The following DFFB variants were observed in gnomAD, a reference collection of about 807,000 sequenced individuals.
The protein encoded by DFFB is DNA fragmentation factor 40 kDa subunit.
In DFFB, 29 loss-of-function variants were observed where a neutral mutation model predicts 32.7. That is an observed-to-expected ratio of 0.89 (90% CI 0.66 to 1.21). The LOEUF (loss-of-function observed/expected upper bound fraction) is 1.21. Ranked by LOEUF, DFFB falls within the 50% of genes most tolerant of loss-of-function variation. The pLI is 0.00. For synonymous variants in DFFB, 170 were observed against 177.1 expected (o/e 0.96, Z 0.32); for missense variants, 398 against 440.6 (o/e 0.90, Z 0.87).
intron 6 of DFFB, among the ~76,000 whole-genome samples, chr1:3,876,197 C>T (rs1645218420): frequency 6.6e-6 from 1 of 152,228 alleles, no homozygotes; most frequent in Non-Finnish European, 1.5e-5. Flanking sequence ...TTGCTGGACC[C>T]CTTGCCACAT....
chr1:3,872,507 C>T lies in DFFB; in HGVS notation c.717C>T (p.His239=), dbSNP rs1645139223. 1 of 1,614,068 alleles carries T rather than the reference C, an allele frequency of 6.2e-7. No individual in the cohort carries two copies. Residue 239 remains histidine, a synonymous_variant, in exon 6 of 7, where the codon CAC becomes CAT. Transcript: ENST00000378209. ...ACATGGACAGCTGCTTATCAAGACA[C>T]TCCATCAACCCCTACAGTAACAGGG... ...PFDMDSCLSR[H]SINPYSNRES... is the part of the protein sequence containing the mutation.
At chr1:3,868,268 C>T (rs1485032974) in intron 4 of DFFB, among the ~76,000 whole-genome samples, 1 of 152,134 alleles carries the variant, frequency 6.6e-6, no homozygotes, top group Non-Finnish European at 1.5e-5. Flanking sequence ...TTTTCAGCTG[C>T]ACTTGAGGTC....
At chr1:3,860,573 A>C in intron 2 of DFFB, 1 of 314,644 alleles carries the variant, frequency 3.2e-6, no homozygotes, top group Middle Eastern at 4.0e-4. Context: ...AGGAAGTTGC[A>C]CAGATAGGAA....
At chr1:3,862,789 T>G (rs1644902735) in intron 2 of DFFB, among the ~76,000 whole-genome samples, 1 of 152,170 alleles carries the variant, frequency 6.6e-6, no homozygotes, top group African/African-American at 2.4e-5. Context: ...TGGCAAAAGA[T>G]TCTTAGATTT....
intron 6 of DFFB, among the ~76,000 whole-genome samples, chr1:3,881,668 G>T (rs1199708474): frequency 6.6e-6 from 1 of 150,704 alleles, no homozygotes; most frequent in Non-Finnish European, 1.5e-5. Context: ...AGGCCAGCCT[G>T]GCCAACACGG....
chr1:3,867,877 T>G, intron 3 of DFFB, 97 bp from the exon 4 acceptor site: 1 of 1,033,096 alleles, frequency 9.7e-7, no homozygotes, highest in African/African-American at 1.6e-5. Context: ...ATGACCCTCA[T>G]ATTCTGCCCT....
At chr1:3,860,292 A>T (rs1644855408) in intron 2 of DFFB, 1 of 215,488 alleles carries the variant, frequency 4.6e-6, no homozygotes, top group African/African-American at 2.3e-5. Flanking sequence ...AGTGGCACAA[A>T]CCTTGCTCAC....
chr1:3,868,511 A>C, intron 4 of DFFB, among the ~76,000 whole-genome samples: 1 of 150,268 alleles, frequency 6.7e-6, no homozygotes, highest in Non-Finnish European at 1.5e-5. Flanking sequence ...TCCCTCCCAA[A>C]GGTGGAGTCA....
Position 3,883,743 on chromosome 1 carries a change from A to T in DFFB, c.*2A>T. On this transcript the variant is annotated 3_prime_UTR_variant, in exon 7 of 7. Transcript: ENST00000378209. The stretch of plus-strand genomic sequence containing the variant: ...CAGCCTGTGCGGAAACGCCAGTGAC[A>T]CGTACACACCACGTCCTGGTCTTTG... 1.9e-6 allele frequency: 3 copies of T among 1,613,002 alleles called. No individual in the cohort carries two copies. Among genetic ancestry groups the T allele is most frequent in the South Asian group, 2.2e-5 (2 of 91,082 alleles).
chr1:3,876,120 G>C (rs1645216959), intron 6 of DFFB, among the ~76,000 whole-genome samples: 1 of 152,158 alleles, frequency 6.6e-6, no homozygotes, highest in African/African-American at 2.4e-5. Flanking sequence ...TGTTCCCTTT[G>C]TATGTTAAGA....
Position 3,865,736 on chromosome 1 carries a change from A to G in DFFB, c.242-76A>G. The G allele has an allele frequency of 6.2e-7, 1 of 1,610,658 alleles. No individual in the cohort carries two copies. Among genetic ancestry groups the G allele is most frequent in the South Asian group, 1.1e-5 (1 of 90,996 alleles). ...CTGGGGAATGGGGGAAGATGTGGTC[A>G]GAGGCTCTTCTTGTGACCGGGGCAG... On this transcript the variant is annotated intron_variant, in intron 2 of 6. Coordinates refer to ENST00000378209, the MANE Select transcript of DFFB (RefSeq NM_004402.4). This position sits in a 1 kb window ranked among gnomAD's most constrained non-coding sequence, Gnocchi z 4.7.
At chr1:3,881,010 T>C (rs1477852933) in intron 6 of DFFB, among the ~76,000 whole-genome samples, 1 of 152,188 alleles carries the variant, frequency 6.6e-6, no homozygotes, top group East Asian at 1.9e-4. Flanking sequence ...ACACTCCCGA[T>C]GTCCACACCC....
chr1:3,875,981 G>C (rs142630800), intron 6 of DFFB, among the ~76,000 whole-genome samples: 585 of 152,186 alleles, frequency 3.8e-3, no homozygotes, highest in African/African-American at 0.013. Context: ...GTTTTGCCAT[G>C]TTGGCCAGGC....
At chr1:3,863,303 G>A (rs1023919148) in intron 2 of DFFB, among the ~76,000 whole-genome samples, 3 of 152,174 alleles carry the variant, frequency 2.0e-5, no homozygotes, top group East Asian at 1.9e-4. Context: ...ATCATCAGTC[G>A]TCAGGGAACT....
chr1:3,866,649 C>T (rs965572807), intron 3 of DFFB, among the ~76,000 whole-genome samples: 3 of 152,100 alleles, frequency 2.0e-5, no homozygotes, highest in Non-Finnish European at 2.9e-5. Context: ...ACATTGTATG[C>T]GGCCATCCCC....
chr1:3,872,987 GT>G, intron 6 of DFFB: 2 of 1,269,444 alleles, frequency 1.6e-6, no homozygotes, highest in South Asian at 2.6e-5. Context: ...AGGTAAGGGT[GT>G]TTTTCCCTTT....
Position 3,869,693 on chromosome 1 carries a change from T to C in DFFB, c.599T>C (p.Met200Thr), listed in dbSNP as rs779623830. 2.5e-6 allele frequency: 4 copies of C among 1,613,280 alleles called. No individual in the cohort carries two copies. Among genetic ancestry groups the C allele is most frequent in the African/African-American group, 2.7e-5 (2 of 74,948 alleles). Residue 200 changes from methionine to threonine, a missense_variant, in exon 5 of 7, where the codon ATG becomes ACG. Coordinates refer to ENST00000378209, the MANE Select transcript of DFFB (RefSeq NM_004402.4). ...TCCATGTGCCAGAGGCTCCGGTCCA[T>C]GCAGTACAATGGCAGCTACTTCGAC... ...LGSMCQRLRSMQYNGSYFDRG... is the reference protein window; with the variant it reads ...LGSMCQRLRSTQYNGSYFDRG...
chr1:3,868,433 G>A (rs1004357477), intron 4 of DFFB, among the ~76,000 whole-genome samples: 5 of 152,100 alleles, frequency 3.3e-5, no homozygotes, highest in African/African-American at 7.2e-5. Context: ...GTCAGCAGGT[G>A]CTACAGGGAT....
intron 6 of DFFB, chr1:3,872,923 C>T (rs989572201): frequency 3.0e-5 from 37 of 1,215,220 alleles, no homozygotes; most frequent in Non-Finnish European, 3.9e-5. Flanking sequence ...TTCTGAACCT[C>T]TGTGAGTTTG....
Sources: gnomAD v4.1 joint callset for allele counts (sites outside exome capture counted in the v4.1 genomes callset) on GRCh38, gnomAD v4.1.1 for gene constraint, Gnocchi (gnomAD v3.1) non-coding constraint, MANE v1.5 for transcripts, NCBI Gene and HGNC (gene_info 2026-07-23, HGNC 2026-07-21) for gene names.